The following PIGU variants were observed in gnomAD, a reference collection of about 807,000 sequenced individuals.
PIGU encodes GPI-anchor transamidase component PIGU.
PIGU carries 24 observed loss-of-function variants against 49.9 expected under a neutral mutation model. The observed-to-expected ratio is 0.48, with a 90% CI of 0.35 to 0.68. The LOEUF (loss-of-function observed/expected upper bound fraction) is 0.68. PIGU is among the 30% of genes least tolerant of loss of function. PIGU has a pLI of 0.01. For missense variants in PIGU, 490 were observed against 532.6 expected (o/e 0.92, Z 0.79); for synonymous variants, 220 against 205.7 (o/e 1.07, Z -0.59).
At position 34,560,822 on chromosome 20, in the gene PIGU, C is replaced by A; in HGVS notation, c.*44G>T. 2 of 1,405,552 alleles carry A rather than the reference C, an allele frequency of 1.4e-6. No homozygotes were observed. Among genetic ancestry groups the A allele is most frequent in the Non-Finnish European group, 1.9e-6 (2 of 1,035,176 alleles). 87.1% of individuals were successfully genotyped at this position (1,405,552 alleles called of 1,614,324 possible). A position where few individuals can be genotyped will look rare whatever the true frequency, so the allele number is the denominator to read the frequency against. On this transcript the variant is annotated 3_prime_UTR_variant, in exon 12 of 12. Coordinates refer to ENST00000217446, the MANE Select transcript of PIGU (RefSeq NM_080476.5). ...CTGGAGGGCTTGGCCCAGCTTCTGG[C>A]CCCACAGCCCCCTGAGGTCCATGCA...
At chr20:34,603,035 TC>T (rs1984486672) in intron 7 of PIGU, among the ~76,000 whole-genome samples, 1 of 152,012 alleles carries the variant, frequency 6.6e-6, no homozygotes, top group South Asian at 2.1e-4. Context: ...CCTGCCCATA[TC>T]TTTTTTTTTT....
chr20:34,599,445 G>A (rs961051971), intron 7 of PIGU, among the ~76,000 whole-genome samples: 4 of 151,876 alleles, frequency 2.6e-5, no homozygotes, highest in African/African-American at 7.3e-5. Context: ...AGAGACCCCC[G>A]TCTCAAAAAA....
chr20:34,640,525 ACACACACACACC>A (rs1406237363), intron 4 of PIGU, among the ~76,000 whole-genome samples: 231 of 121,856 alleles, frequency 1.9e-3, no homozygotes, highest in African/African-American at 4.9e-3. Flanking sequence ...ACACACACAC[ACACACACACACC>A]CCTTAAGAAA....
Position 34,588,573 on chromosome 20 carries a change from G to T in PIGU, c.662C>A (p.Ala221Asp). The T allele has an allele frequency of 6.2e-7, 1 of 1,614,010 alleles. No homozygotes were observed. The highest frequency in any genetic ancestry group is 8.5e-7 in the Non-Finnish European group (1 of 1,179,944). ...ATACTCCCAAGAAAAGATCCAGAAG[G>T]CTTTGCTCTTCATTTTCACAGGTAT... ...QYIPVKMKSK[A>D]FWIFSWEYAM... Residue 221 changes from alanine to aspartate, a missense_variant, in exon 8 of 12, where the codon GCC (alanine) becomes GAC (aspartate). Coordinates refer to ENST00000217446, the MANE Select transcript of PIGU (RefSeq NM_080476.5).
chr20:34,594,278 T>C (rs1200660070), intron 7 of PIGU, among the ~76,000 whole-genome samples: 3 of 152,214 alleles, frequency 2.0e-5, no homozygotes, highest in Non-Finnish European at 4.4e-5. Context: ...AATAAGTATA[T>C]ACAAGGTTAC....
At chr20:34,562,987 G>T (rs951747430) in intron 11 of PIGU, among the ~76,000 whole-genome samples, 1 of 152,168 alleles carries the variant, frequency 6.6e-6, no homozygotes, top group Admixed American at 6.5e-5. Flanking sequence ...CAATCAAAAC[G>T]AAGCAACTCC....
At chr20:34,620,882 C>T (rs999828199) in intron 6 of PIGU, among the ~76,000 whole-genome samples, 2 of 149,688 alleles carry the variant, frequency 1.3e-5, no homozygotes, top group Non-Finnish European at 3.0e-5. Context: ...AACATCACAA[C>T]AGCCCTGTGA....
chr20:34,566,630 T>G (rs981233721), intron 11 of PIGU, among the ~76,000 whole-genome samples: 5 of 152,142 alleles, frequency 3.3e-5, no homozygotes, highest in Non-Finnish European at 7.4e-5. Flanking sequence ...ATATTGTCCC[T>G]TTCCAACCCC....
rs909802995 is a variant in PIGU, at chr20:34,637,695, G to A, written c.428+181C>T. ...GTGAGTCTTTGTCCCAAGAGAGACAGAATGGCTCTGTCTCTTTTGCTGGCC... is the reference window on the plus strand; with the variant it reads ...GTGAGTCTTTGTCCCAAGAGAGACAAAATGGCTCTGTCTCTTTTGCTGGCC... On this transcript the variant is annotated intron_variant, in intron 5 of 11. Coordinates refer to ENST00000217446, the MANE Select transcript of PIGU (RefSeq NM_080476.5). 2.0e-5 allele frequency among the ~76,000 whole-genome samples: 3 copies of A among 152,194 alleles called. No individual in the cohort carries two copies. The East Asian group carries it at 5.8e-4, about 29-fold the overall frequency.
At chr20:34,658,964 C>T (rs990501110) in intron 1 of PIGU, among the ~76,000 whole-genome samples, 59 of 149,728 alleles carry the variant, frequency 3.9e-4, no homozygotes, top group Admixed American at 2.7e-3. Flanking sequence ...GTCAGCCCCC[C>T]GCCCAGCCAG....
intron 6 of PIGU, among the ~76,000 whole-genome samples, chr20:34,623,822 G>A (rs577320626): frequency 6.6e-6 from 1 of 152,296 alleles, no homozygotes; most frequent in Non-Finnish European, 1.5e-5. Flanking sequence ...AGGCTACAGA[G>A]CTGGTAATTA....
chr20:34,616,871 C>T (rs934349920), intron 6 of PIGU, among the ~76,000 whole-genome samples: 3 of 152,148 alleles, frequency 2.0e-5, no homozygotes, highest in East Asian at 1.9e-4. Context: ...CCCAGCACTT[C>T]GAGAGGCCGA....
chr20:34,580,351 C>T (rs1206155915), intron 10 of PIGU, among the ~76,000 whole-genome samples: 1 of 152,234 alleles, frequency 6.6e-6, no homozygotes, highest in Non-Finnish European at 1.5e-5. Flanking sequence ...CCAGTCAGGC[C>T]AGATGGGTCA....
chr20:34,661,387 A>T (rs1351664250), intron 1 of PIGU, among the ~76,000 whole-genome samples: 2 of 152,082 alleles, frequency 1.3e-5, no homozygotes, highest in Non-Finnish European at 2.9e-5. Flanking sequence ...AAGTAGGCCC[A>T]GGTATCTACT....
rs1053884509 is a variant in PIGU, at chr20:34,650,700, C to T, written c.196-5366G>A. Among the ~76,000 whole-genome samples, 141 of 38,786 alleles carry T rather than the reference C, an allele frequency of 3.6e-3. 2 individuals are homozygous for T. The highest frequency in any genetic ancestry group is 0.025 in the Middle Eastern group (1 of 40). The allele number at this position is 38,786 out of a possible 152,430, so 25.4% of individuals were successfully genotyped here. A position where few individuals can be genotyped will look rare whatever the true frequency, so the allele number is the denominator to read the frequency against. On this transcript the variant is annotated intron_variant, in intron 2 of 11. Coordinates refer to ENST00000217446, the MANE Select transcript of PIGU (RefSeq NM_080476.5). Reference sequence around the variant, plus strand: ...AATTTTTTTCCTTTTCTTTTTTTCTCTTTTTTTTTTTTTTTTTTTTTTTTT... The same window carrying T: ...AATTTTTTTCCTTTTCTTTTTTTCTTTTTTTTTTTTTTTTTTTTTTTTTTT...
At chr20:34,646,131 T>C (rs978379407) in intron 2 of PIGU, among the ~76,000 whole-genome samples, 1 of 152,170 alleles carries the variant, frequency 6.6e-6, no homozygotes, top group Non-Finnish European at 1.5e-5. Flanking sequence ...TATTTCTTCC[T>C]CAAAGATTTG....
intron 7 of PIGU, among the ~76,000 whole-genome samples, chr20:34,609,348 CT>C (rs893268517): frequency 1.3e-5 from 2 of 151,902 alleles, no homozygotes; most frequent in African/African-American, 4.8e-5. Context: ...TCCACCTTCA[CT>C]TTTTTTCACC....
chr20:34,630,486 A>C (rs1271921718), intron 6 of PIGU, among the ~76,000 whole-genome samples: 1 of 152,160 alleles, frequency 6.6e-6, no homozygotes, highest in Non-Finnish European at 1.5e-5. Flanking sequence ...AATAGTTGCA[A>C]AGGAAAATAA....
chr20:34,576,690 T>C (rs1983248054), intron 10 of PIGU, among the ~76,000 whole-genome samples: 1 of 152,182 alleles, frequency 6.6e-6, no homozygotes, highest in East Asian at 1.9e-4. Flanking sequence ...GGCTGGATCA[T>C]ATCTCACTGA....
Sources: allele counts gnomAD v4.1 joint callset (sites outside exome capture counted in the v4.1 genomes callset), GRCh38; gene constraint gnomAD v4.1.1; transcripts MANE v1.5; gene names NCBI Gene and HGNC (gene_info 2026-07-23, HGNC 2026-07-21).